ECE2: variants seen among roughly 807,000 people sequenced by gnomAD.
ECE2 encodes endothelin-converting enzyme 2.
In ECE2, 81 loss-of-function variants were observed where a neutral mutation model predicts 100.6. The ratio of observed to expected loss-of-function variants is 0.81; its 90% CI spans 0.67 to 0.97. The LOEUF (loss-of-function observed/expected upper bound fraction) is 0.97, where lower values mean the gene tolerates loss of function less well. Among genes scored for constraint, ECE2 ranks in the 50% least tolerant of loss-of-function variants. The pLI, the probability that ECE2 is intolerant of heterozygous loss-of-function variation, is 0.00. For synonymous variants in ECE2, 391 were observed against 391.5 expected (o/e 1.00, Z 0.02); for missense variants, 911 against 988.1 (o/e 0.92, Z 1.05).
rs920823335 is a variant in ECE2 at position 184,292,491 on chromosome 3, T to C, written c.*253T>C. On this transcript the variant is annotated 3_prime_UTR_variant, in exon 19 of 19. Transcript: ENST00000404464. Reference sequence around the variant, plus strand: ...TCCGTGTCACCCTGCCTGGAAGAGGTCTGGGTGGGGAGGCCAGTTCCCATA... The same window carrying C: ...TCCGTGTCACCCTGCCTGGAAGAGGCCTGGGTGGGGAGGCCAGTTCCCATA... The C allele has an allele frequency of 5.5e-6, 3 of 540,676 alleles. No homozygotes were observed. The highest frequency in any genetic ancestry group is 6.6e-6 in the Non-Finnish European group (2 of 301,668). 33.5% of individuals were successfully genotyped at this position (540,676 alleles called of 1,614,324 possible).
In ECE2 at chr3:184,292,394, C is replaced by G; in HGVS notation, c.*156C>G. On this transcript the variant is annotated 3_prime_UTR_variant, in exon 19 of 19. Coordinates refer to ENST00000404464, the MANE Select transcript of ECE2 (RefSeq NM_001100121.2). ...GACATGAGTACAGACCCTCCTCAAT[C>G]ACCACATTGTGCCTCTGCTTTGGGG... The G allele has an allele frequency of 1.2e-6, 1 of 801,782 alleles. No individual in the cohort carries two copies. Among genetic ancestry groups the G allele is most frequent in the East Asian group, 2.7e-5 (1 of 37,152 alleles). 49.7% of individuals were successfully genotyped at this position (801,782 alleles called of 1,614,324 possible).
At position 184,285,485 on chromosome 3, in the gene ECE2, AAC is replaced by A; in HGVS notation, c.1158_1159del (p.Asn386LysfsTer20). On this transcript the variant is annotated frameshift_variant, in exon 10 of 19. Coordinates refer to ENST00000404464, the MANE Select transcript of ECE2 (RefSeq NM_001100121.2). LOFTEE classifies it high-confidence loss of function. ...LINRTEPSIL[N>X]NYLIWNLVQK... Reference sequence around the variant, plus strand: ...TTCTGGTCTGGTTGTCAGCATCCTGAACAATTACCTGATCTGGAACCTGGTGC... The same window carrying A: ...TTCTGGTCTGGTTGTCAGCATCCTGAAATTACCTGATCTGGAACCTGGTGC... 1 of 1,613,854 alleles carries A rather than the reference AAC, an allele frequency of 6.2e-7. No homozygotes were observed. Among genetic ancestry groups the A allele is most frequent in the Non-Finnish European group, 8.5e-7 (1 of 1,179,810 alleles).
chr3:184,282,520 T>C lies in ECE2; in HGVS notation c.817-1265T>C, dbSNP rs530179580. 3.9e-5 allele frequency among the ~76,000 whole-genome samples: 6 copies of C among 152,304 alleles called. No homozygotes were observed. In the South Asian group the frequency reaches 1.0e-3, roughly 26 times the overall value. ...TTTTCGCCCTGTTATTCAACAGATATTTATTGAGCACCTACTCTGTGGCAG... is the reference window on the plus strand; with the variant it reads ...TTTTCGCCCTGTTATTCAACAGATACTTATTGAGCACCTACTCTGTGGCAG... On this transcript the variant is annotated intron_variant, in intron 7 of 18. Transcript: ENST00000404464.
chr3:184,278,571 T>C lies in ECE2; in HGVS notation c.816+14T>C. On this transcript the variant is annotated intron_variant, in intron 7 of 18. Transcript: ENST00000404464. ...GCCAATGAGAAAGTAAGGAACATCT[T>C]CCGAACCCCCATCCCTACCCCTGGC... The C allele has an allele frequency of 6.2e-7, 1 of 1,613,886 alleles. No homozygotes were observed. The highest frequency in any genetic ancestry group is 8.5e-7 in the Non-Finnish European group (1 of 1,179,892).
chr3:184,277,996 G>A lies in ECE2; in HGVS notation c.550G>A (p.Val184Met). 1 of 1,613,974 alleles carries A rather than the reference G, an allele frequency of 6.2e-7. No individual in the cohort carries two copies. The highest frequency in any genetic ancestry group is 8.5e-7 in the Non-Finnish European group (1 of 1,180,028). The change falls in exon 5 of 19, where the codon GTG becomes ATG. Residue 184 changes from valine to methionine, a missense_variant. Physicochemically the swap from Val to Met is conservative, Grantham distance 21. Coordinates refer to ENST00000404464, the MANE Select transcript of ECE2 (RefSeq NM_001100121.2). ...GCGCTTCTACCTATCTTGCCTACAGGTGGAGCGCATTGAGGAGCTGGGAGC... is the reference window on the plus strand; with the variant it reads ...GCGCTTCTACCTATCTTGCCTACAGATGGAGCGCATTGAGGAGCTGGGAGC... ...TQRFYLSCLQ[V>M]ERIEELGAQP...
rs200431378 is a variant in ECE2 at position 184,291,411 on chromosome 3, A to T, written c.2093A>T (p.His698Leu). ...CTGCCAGCCGTGGGGCTCACCAACC[A>T]CCAGCTCTTCTTCGTGGGATTTGCC... Reference protein sequence around the residue: ...QQLPAVGLTNHQLFFVGFAQV... With the variant: ...QQLPAVGLTNLQLFFVGFAQV... Residue 698 changes from histidine (H) to leucine (L), a missense_variant, in exon 18 of 19, where the codon CAC becomes CTC. Physicochemically the swap from His to Leu is moderately conservative, Grantham distance 99. Coordinates refer to ENST00000404464, the MANE Select transcript of ECE2 (RefSeq NM_001100121.2). This position sits in a 1 kb window ranked among gnomAD's most constrained non-coding sequence, Gnocchi z 4.1. The T allele has an allele frequency of 3.5e-5, 56 of 1,602,074 alleles. No individual in the cohort carries two copies. The highest frequency in any genetic ancestry group is 1.7e-5 in the Admixed American group (1 of 58,542).
chr3:184,284,051 C>A, intron 8 of ECE2, 78 bp downstream of exon 8: 2 of 1,524,816 alleles, frequency 1.3e-6, no homozygotes, highest in Non-Finnish European at 9.0e-7. Flanking sequence ...TCCATGCCAT[C>A]TCCCCAAGGC....
At chr3:184,290,227 C>G (rs1560188092) in intron 13 of ECE2, 28 bp from the exon 14 acceptor site, 2 of 1,580,082 alleles carry the variant, frequency 1.3e-6, no homozygotes. Context: ...TTCTCTTGCT[C>G]TCTTTCTACT....
chr3:184,289,488 C>T lies in ECE2; in HGVS notation c.1426C>T (p.Gln476Ter), dbSNP rs142706122. 2.3e-5 allele frequency: 37 copies of T among 1,612,300 alleles called. No homozygotes were observed. The African/African-American group carries it at 4.7e-4, about 20-fold the overall frequency. The change falls in exon 12 of 19, where the codon CAG becomes TAG. Residue 476 changes from glutamine to a stop codon, truncating the protein, a stop_gained. Coordinates refer to ENST00000404464, the MANE Select transcript of ECE2 (RefSeq NM_001100121.2). LOFTEE classifies it high-confidence loss of function. The surrounding 1 kb of genome is among the most constrained non-coding windows in gnomAD (Gnocchi z 4.1). ...GACCGCATTTGAGGAGGCCCTGGGA[C>T]AGCTGGTTTGGATGGATGAGAAGAC... ...IRTAFEEALG[Q>*]LVWMDEKTRQ...
intron 2 of ECE2, 156 bp from the exon 3 acceptor site, chr3:184,276,736 A>G (rs777689760): frequency 1.9e-6 from 3 of 1,550,078 alleles, no homozygotes; most frequent in African/African-American, 1.4e-5. Flanking sequence ...GACGTTGCAC[A>G]AAACAGACTC....
Position 184,285,481 on chromosome 3 carries a change from C to A in ECE2, c.1152C>A (p.Ile384=). The A allele has an allele frequency of 6.2e-7, 1 of 1,613,416 alleles. No individual in the cohort carries two copies. The highest frequency in any genetic ancestry group is 8.5e-7 in the Non-Finnish European group (1 of 1,179,396). Residue 384 remains isoleucine (I), a synonymous_variant, in exon 10 of 19, where the codon ATC becomes ATA. Transcript: ENST00000404464. ...SELINRTEPS[I]LNNYLIWNLV... ...TATTTTCTGGTCTGGTTGTCAGCAT[C>A]CTGAACAATTACCTGATCTGGAACC...
chr3:184,287,676 C>T (rs1475226790), intron 10 of ECE2, among the ~76,000 whole-genome samples, 161 bp from the exon 11 acceptor site: 1 of 152,178 alleles, frequency 6.6e-6, no homozygotes, highest in African/African-American at 2.4e-5. Context: ...GCCTGGGTGA[C>T]AGAGCAAGAC....
chr3:184,290,274 C>T lies in ECE2; in HGVS notation c.1571C>T (p.Ser524Phe). The change falls in exon 14 of 19, where the codon TCT (serine) becomes TTT (phenylalanine). Residue 524 changes from serine to phenylalanine, a missense_variant. Physicochemically the swap from Ser to Phe is radical, Grantham distance 155 (BLOSUM62 -2). Coordinates refer to ENST00000404464, the MANE Select transcript of ECE2 (RefSeq NM_001100121.2). ...VYDGYEISED[S>F]FFQNMLNLYN... ...CCACAGTACGAAATTTCTGAAGATT[C>T]TTTCTTCCAAAACATGTTGAATTTG... The T allele has an allele frequency of 6.2e-7, 1 of 1,613,952 alleles. No homozygotes were observed. The highest frequency in any genetic ancestry group is 1.1e-5 in the South Asian group (1 of 91,034).
Position 184,289,718 on chromosome 3 carries a change from G to T in ECE2, c.1551G>T (p.Gly517=), listed in dbSNP as rs770032247. 1 of 1,611,116 alleles carries T rather than the reference G, an allele frequency of 6.2e-7. No individual in the cohort carries two copies. Among genetic ancestry groups the T allele is most frequent in the Non-Finnish European group, 8.5e-7 (1 of 1,178,568 alleles). ...EPKELDDVYD[G]YEISEDSFFQ... ...AAGAGCTGGATGATGTTTATGACGGGGTGAGTACCTACGCTCATCAGTACT... is the reference window on the plus strand; with the variant it reads ...AAGAGCTGGATGATGTTTATGACGGTGTGAGTACCTACGCTCATCAGTACT... The change falls in exon 13 of 19, where the codon GGG becomes GGT. Residue 517 remains glycine (G), a splice_region_variant and synonymous_variant. Coordinates refer to ENST00000404464, the MANE Select transcript of ECE2 (RefSeq NM_001100121.2). This position sits in a 1 kb window ranked among gnomAD's most constrained non-coding sequence, Gnocchi z 4.1.
chr3:184,277,599 G>C lies in ECE2; in HGVS notation c.478+133G>C, dbSNP rs1442710435. ...TTCTGTGAACACTCCAGAGGGTGGGGAGGCAGAGAGCAGGGGACTATTGAG... is the reference window on the plus strand; with the variant it reads ...TTCTGTGAACACTCCAGAGGGTGGGCAGGCAGAGAGCAGGGGACTATTGAG... On this transcript the variant is annotated intron_variant, in intron 4 of 18. Transcript: ENST00000404464. 6.7e-6 allele frequency: 7 copies of C among 1,040,854 alleles called. No homozygotes were observed. In the East Asian group the frequency reaches 1.8e-4, roughly 27 times the overall value. 64.5% of individuals were successfully genotyped at this position (1,040,854 alleles called of 1,614,324 possible).
Position 184,289,743 on chromosome 3 carries a change from T to G in ECE2, c.1551+25T>G. On this transcript the variant is annotated intron_variant, in intron 13 of 18. Transcript: ENST00000404464. This position sits in a 1 kb window ranked among gnomAD's most constrained non-coding sequence, Gnocchi z 4.1. ...GGTGAGTACCTACGCTCATCAGTAC[T>G]GAACTTCAGCCCTGTAGAGGGCACT... is the stretch of plus-strand genomic sequence containing the variant. 1 of 1,589,402 alleles carries G rather than the reference T, an allele frequency of 6.3e-7. No homozygotes were observed. Among genetic ancestry groups the G allele is most frequent in the South Asian group, 1.1e-5 (1 of 87,594 alleles).
chr3:184,278,820 A>G, intron 7 of ECE2: 5 of 522,228 alleles, frequency 9.6e-6, no homozygotes, highest in Non-Finnish European at 1.7e-5. Flanking sequence ...ATTCTGAGAT[A>G]TAAGTTTCCG....
At chr3:184,288,544 A>G (rs1211485594) in intron 11 of ECE2, among the ~76,000 whole-genome samples, 1 of 152,184 alleles carries the variant, frequency 6.6e-6, no homozygotes, top group African/African-American at 2.4e-5. Context: ...AATGTTGTTT[A>G]TAATAGCAGA....
At chr3:184,278,078 G>A (rs1384634451) in intron 5 of ECE2, 29 bp downstream of exon 5, 1 of 1,613,624 alleles carries the variant, frequency 6.2e-7, no homozygotes, top group Non-Finnish European at 8.5e-7. Context: ...TTGAGGGCAG[G>A]GGAGCAGGAG....
Sources: allele counts gnomAD v4.1 joint callset (sites outside exome capture counted in the v4.1 genomes callset), GRCh38; gene constraint gnomAD v4.1.1; non-coding constraint Gnocchi (gnomAD v3.1); transcripts MANE v1.5; gene names NCBI Gene and HGNC (gene_info 2026-07-23, HGNC 2026-07-21).